Variants in CTIF observed in about 807,000 individuals in gnomAD.
CTIF encodes the protein cap binding complex dependent translation initiation factor, also known as CBP80/20-dependent translation initiation factor.
In CTIF, 21 loss-of-function variants were observed where a neutral mutation model predicts 66.0. The observed-to-expected ratio is 0.32, with a 90% CI of 0.23 to 0.46. The LOEUF (loss-of-function observed/expected upper bound fraction) is 0.46, where lower values mean the gene tolerates loss of function less well. CTIF is among the 20% of genes least tolerant of loss of function. The pLI is 1.00. For missense variants in CTIF, 739 were observed against 812.7 expected, an observed-to-expected ratio of 0.91 and a Z score of 1.10; for synonymous variants, 345 against 326.4, an observed-to-expected ratio of 1.06 and a Z score of -0.62.
chr18:48,563,212 T>TGACACCCAGCCTCC (rs56971736), intron 1 of CTIF, among the ~76,000 whole-genome samples: 93,611 of 151,678 alleles, frequency 0.62, 30,480 homozygotes, highest in East Asian at 0.92. Context: ...TCTGCAGGGA[T>TGACACCCAGCCTCC]GACACCCAGC....
At chr18:48,787,089 C>T (rs991341595) in intron 9 of CTIF, among the ~76,000 whole-genome samples, 4 of 152,246 alleles carry the variant, frequency 2.6e-5, no homozygotes, top group East Asian at 1.9e-4. Flanking sequence ...GAGGCAGGGG[C>T]GGAGCTGTGG....
chr18:48,717,219 G>A (rs558294544), intron 7 of CTIF, among the ~76,000 whole-genome samples: 1 of 152,128 alleles, frequency 6.6e-6, no homozygotes, highest in African/African-American at 2.4e-5. Context: ...GATCAACATG[G>A]AGAAACCCCG....
At chr18:48,541,860 A>G (rs2088629089) in intron 1 of CTIF, among the ~76,000 whole-genome samples, 1 of 147,486 alleles carries the variant, frequency 6.8e-6, no homozygotes, top group South Asian at 2.2e-4. Context: ...GCCAGATATC[A>G]TAGCATTTAT....
At chr18:48,620,819 C>T (rs719915) in intron 2 of CTIF, among the ~76,000 whole-genome samples, 138 of 152,290 alleles carry the variant, frequency 9.1e-4, no homozygotes, top group African/African-American at 3.2e-3. Flanking sequence ...CCACCTGGCT[C>T]ACTTTTTGGG....
At chr18:48,695,371 G>A (rs1389005514) in intron 6 of CTIF, among the ~76,000 whole-genome samples, 1 of 152,180 alleles carries the variant, frequency 6.6e-6, no homozygotes, top group Non-Finnish European at 1.5e-5. Context: ...TGGGATCTGG[G>A]GGTCTATTGC....
At chr18:48,750,102 T>G (rs1907658980) in intron 7 of CTIF, among the ~76,000 whole-genome samples, 1 of 152,266 alleles carries the variant, frequency 6.6e-6, no homozygotes, top group Admixed American at 6.5e-5. Context: ...AACGTGCTTT[T>G]GTTCCCCACA....
chr18:48,574,328 C>G (rs962492343), intron 1 of CTIF, among the ~76,000 whole-genome samples: 5 of 152,260 alleles, frequency 3.3e-5, no homozygotes, highest in Non-Finnish European at 7.3e-5. Flanking sequence ...TCCCCCAGTT[C>G]TTTGCCTCCT....
intron 1 of CTIF, among the ~76,000 whole-genome samples, chr18:48,599,102 G>T (rs191263131): frequency 6.6e-6 from 1 of 152,264 alleles, no homozygotes; most frequent in East Asian, 1.9e-4. Context: ...CCTCTCTGCC[G>T]ATCAGCTCAT....
chr18:48,652,697 A>G (rs1333974444), intron 3 of CTIF, among the ~76,000 whole-genome samples: 1 of 152,218 alleles, frequency 6.6e-6, no homozygotes, highest in Admixed American at 6.5e-5. Flanking sequence ...TTAGACCAAT[A>G]TCCCTGATGA....
intron 10 of CTIF, among the ~76,000 whole-genome samples, chr18:48,842,636 C>G (rs1488706653): frequency 6.6e-6 from 1 of 152,310 alleles, no homozygotes; most frequent in East Asian, 1.9e-4. Context: ...GGGCCTTGTT[C>G]CAGCCCAGCA....
At chr18:48,554,148 T>A (rs1015473840) in intron 1 of CTIF, among the ~76,000 whole-genome samples, 1 of 152,200 alleles carries the variant, frequency 6.6e-6, no homozygotes, top group Non-Finnish European at 1.5e-5. Context: ...TTGCTGTTGT[T>A]GGTGCCACCA....
intron 1 of CTIF, among the ~76,000 whole-genome samples, chr18:48,553,864 T>G (rs1008962045): frequency 1.3e-5 from 2 of 151,740 alleles, no homozygotes; most frequent in Admixed American, 6.6e-5. Flanking sequence ...GGTTTCCCTG[T>G]GTTAGCCAGG....
intron 6 of CTIF, among the ~76,000 whole-genome samples, chr18:48,700,021 T>A (rs139057650): frequency 6.6e-6 from 1 of 152,346 alleles, no homozygotes; most frequent in East Asian, 1.9e-4. Context: ...CACTGTGGCC[T>A]CCTTATCCAT....
intron 2 of CTIF, among the ~76,000 whole-genome samples, chr18:48,624,076 GT>G (rs2090548795): frequency 7.1e-6 from 1 of 140,104 alleles, no homozygotes; most frequent in African/African-American, 2.7e-5. Flanking sequence ...CCCTCCCCAT[GT>G]TTGACACCAC....
At chr18:48,635,748 A>G (rs2090809380) in intron 2 of CTIF, among the ~76,000 whole-genome samples, 1 of 152,244 alleles carries the variant, frequency 6.6e-6, no homozygotes, top group Non-Finnish European at 1.5e-5. Context: ...AGCATTTGAC[A>G]GGAAGGGCTA....
Position 48,655,327 on chromosome 18 carries a change from T to G in CTIF, c.253-8425T>G, listed in dbSNP as rs11082691. ...AAAAAAAAAAAAAAAAAAAGAAGAA[T>G]AAAAAAAGCCGGAGTGACTGAATGA... On this transcript the variant is annotated intron_variant, in intron 3 of 11. Transcript: ENST00000256413. Among the ~76,000 whole-genome samples the G allele has an allele frequency of 5.9e-3, 747 of 127,188 alleles. 6 individuals carry two copies. The highest frequency in any genetic ancestry group is 0.039 in the Middle Eastern group (10 of 254). The allele number at this position is 127,188 out of a possible 152,430, so 83.4% of individuals were successfully genotyped here. A position where few individuals can be genotyped will look rare whatever the true frequency, so the allele number is the denominator to read the frequency against.
intron 9 of CTIF, among the ~76,000 whole-genome samples, chr18:48,809,855 T>C (rs1218106403): frequency 6.6e-6 from 1 of 151,986 alleles, no homozygotes; most frequent in African/African-American, 2.4e-5. Flanking sequence ...ATACTTTTTT[T>C]CTATATCATA....
At chr18:48,640,426 C>G (rs2090906691) in intron 3 of CTIF, among the ~76,000 whole-genome samples, 1 of 152,232 alleles carries the variant, frequency 6.6e-6, no homozygotes, top group Non-Finnish European at 1.5e-5. Context: ...TGAGTTGGCC[C>G]AGGCTCAGTC....
At chr18:48,806,286 C>G (rs2068145617) in intron 9 of CTIF, among the ~76,000 whole-genome samples, 1 of 152,188 alleles carries the variant, frequency 6.6e-6, no homozygotes, top group Non-Finnish European at 1.5e-5. Flanking sequence ...AGAAGAATGC[C>G]TGGGATTGAC....
Sources: allele counts gnomAD v4.1 joint callset (sites outside exome capture counted in the v4.1 genomes callset), GRCh38; gene constraint gnomAD v4.1.1; transcripts MANE v1.5; gene names NCBI Gene and HGNC (gene_info 2026-07-23, HGNC 2026-07-21).